PRPF18: variants seen among roughly 807,000 people sequenced by gnomAD.
The protein encoded by PRPF18 is pre-mRNA-splicing factor 18.
PRPF18 carries 38 observed loss-of-function variants against 46.5 expected under a neutral mutation model. The ratio of observed to expected loss-of-function variants is 0.82; its 90% CI spans 0.63 to 1.07. The LOEUF (loss-of-function observed/expected upper bound fraction) is 1.07, where lower values mean the gene tolerates loss of function less well. PRPF18 is among the 50% of genes least tolerant of loss of function. The probability of loss-of-function intolerance (pLI) is 0.00; values close to 1 mark genes in which losing one functional copy is unlikely to be tolerated. For synonymous variants in PRPF18, 152 were observed against 146.7 expected, an observed-to-expected ratio of 1.04 and a Z score of -0.26; for missense variants, 263 against 410.0, an observed-to-expected ratio of 0.64 and a Z score of 3.10.
At position 13,611,664 on chromosome 10, in the gene PRPF18, T is replaced by A. The variant is rs1199927188; in HGVS notation, c.560T>A (p.Ile187Asn). The A allele has an allele frequency of 6.2e-7, 1 of 1,613,854 alleles. No homozygotes were observed. The highest frequency in any genetic ancestry group is 8.5e-7 in the Non-Finnish European group (1 of 1,179,866). The change falls in exon 6 of 10, where the codon ATC becomes AAC. Residue 187 changes from isoleucine (I) to asparagine (N), a missense_variant. This residue lies in a region of PRPF18 where 155 missense variants were observed against 245.1 expected (regional missense o/e 0.63). Transcript: ENST00000378572. Reference protein sequence around the residue: ...GKGDDHKDMDIITKFLKFLLG... With the variant: ...GKGDDHKDMDNITKFLKFLLG... The stretch of plus-strand genomic sequence containing the variant: ...GGCGATGATCATAAAGACATGGACA[T>A]CATCACCAAATTCCTGAAGGTGCGT...
chr10:13,654,611 A>AG, the PRPF18 span: 1 of 726,350 alleles, frequency 1.4e-6, no homozygotes, highest in East Asian at 2.5e-5. Context: ...CAGTGGCCAG[A>AG]GGTCACCATT....
rs768844511 is a variant in PRPF18, at chr10:13,613,704, T to A, written c.580-37T>A. 11 of 1,597,700 alleles carry A rather than the reference T, an allele frequency of 6.9e-6. No homozygotes were observed. In the South Asian group the frequency reaches 1.3e-4, roughly 18 times the overall value. On this transcript the variant is annotated intron_variant, in intron 6 of 9. Coordinates refer to ENST00000378572, the MANE Select transcript of PRPF18 (RefSeq NM_003675.4). ...CATTTAGATGTACTGAACCACTGGG[T>A]GGCATTGTAGTCTAAGTTTACCCAT...
intron 4 of PRPF18, among the ~76,000 whole-genome samples, chr10:13,607,454 C>T (rs1044829005): frequency 4.6e-5 from 7 of 152,220 alleles, no homozygotes; most frequent in Admixed American, 2.0e-4. Context: ...GTCTCACTCT[C>T]ACCCAGGCTG....
rs553643811 is a variant in PRPF18, at chr10:13,587,007, T to A, written c.-80T>A. On this transcript the variant is annotated 5_prime_UTR_variant, in exon 1 of 10. Transcript: ENST00000378572. ...TGGGCTTGTTGTTCCGTATACTCAG[T>A]GGGTTCGCGGCCGCCGGCCCAGTGA... 1.4e-6 allele frequency: 2 copies of A among 1,423,234 alleles called. No individual in the cohort carries two copies. The highest frequency in any genetic ancestry group is 1.1e-5 in the South Asian group (1 of 87,180). 88.2% of individuals were successfully genotyped at this position (1,423,234 alleles called of 1,614,324 possible).
chr10:13,647,306 C>G, the PRPF18 span: 1 of 152,174 alleles, frequency 6.6e-6, no homozygotes, highest in Non-Finnish European at 1.5e-5. Flanking sequence ...GGTTCTTCAG[C>G]GTGGCTGCAT....
At chr10:13,593,105 C>A (rs1049415467) in intron 1 of PRPF18, among the ~76,000 whole-genome samples, 4 of 152,170 alleles carry the variant, frequency 2.6e-5, no homozygotes, top group Non-Finnish European at 5.9e-5. Context: ...TTATACAAAA[C>A]ATTCTGAAAT....
chr10:13,609,360 C>G (rs928061590), intron 4 of PRPF18, among the ~76,000 whole-genome samples: 3 of 152,166 alleles, frequency 2.0e-5, no homozygotes, highest in African/African-American at 7.2e-5. Context: ...AGCAAGCTTT[C>G]AAAGAGCTAT....
At chr10:13,589,247 C>T (rs1470851734) in intron 1 of PRPF18, among the ~76,000 whole-genome samples, 1 of 152,162 alleles carries the variant, frequency 6.6e-6, no homozygotes, top group Non-Finnish European at 1.5e-5. Flanking sequence ...CTGCCAAATA[C>T]CCAAGTCTGA....
At chr10:13,629,422 T>C (rs2080559880) in intron 9 of PRPF18, among the ~76,000 whole-genome samples, 1 of 152,210 alleles carries the variant, frequency 6.6e-6, no homozygotes, top group African/African-American at 2.4e-5. Flanking sequence ...AGTTATAAAG[T>C]AAGTAATAAA....
At chr10:13,607,512 A>G (rs2080207244) in intron 4 of PRPF18, among the ~76,000 whole-genome samples, 1 of 152,098 alleles carries the variant, frequency 6.6e-6, no homozygotes, top group South Asian at 2.1e-4. Flanking sequence ...TCCTGGGCTT[A>G]AGCGATCTCC....
At chr10:13,617,773 A>G (rs942605818) in intron 9 of PRPF18, among the ~76,000 whole-genome samples, 1 of 152,068 alleles carries the variant, frequency 6.6e-6, no homozygotes, top group African/African-American at 2.4e-5. Context: ...ATTCTGGTTT[A>G]TTTTGGAAGC....
chr10:13,652,818 A>C, the PRPF18 span: 4 of 152,210 alleles, frequency 2.6e-5, no homozygotes, highest in African/African-American at 7.2e-5. Flanking sequence ...GCTCACCCCC[A>C]GAGTTTTGGA....
chr10:13,606,210 C>T (rs1050658639), intron 4 of PRPF18, among the ~76,000 whole-genome samples: 5 of 152,210 alleles, frequency 3.3e-5, no homozygotes, highest in Admixed American at 2.0e-4. Flanking sequence ...TATTTCTCCT[C>T]ATCCCTTCCT....
At chr10:13,626,511 G>A (rs541541029) in intron 9 of PRPF18, among the ~76,000 whole-genome samples, 5 of 152,192 alleles carry the variant, frequency 3.3e-5, no homozygotes, top group Non-Finnish European at 5.9e-5. Flanking sequence ...TAAAAATGTG[G>A]TTTGGGGAGG....
At chr10:13,634,873 AT>A (rs201406918), downstream of PRPF18, among the ~76,000 whole-genome samples, 4 of 150,508 alleles carry the variant, frequency 2.7e-5, no homozygotes, top group East Asian at 1.9e-4. Flanking sequence ...AAAACCACTG[AT>A]TTTTTTTTTG....
chr10:13,621,203 G>T (rs531631304), intron 9 of PRPF18, among the ~76,000 whole-genome samples: 1 of 152,332 alleles, frequency 6.6e-6, no homozygotes, highest in East Asian at 1.9e-4. Context: ...ATGTCAAAGA[G>T]CTGTTGCCCT....
intron 5 of PRPF18, 70 bp downstream of exon 5, chr10:13,610,255 G>T: frequency 6.6e-7 from 1 of 1,520,340 alleles, no homozygotes; most frequent in Non-Finnish European, 8.9e-7. Flanking sequence ...TGACTGAGTC[G>T]GGCAGATTGT....
downstream of PRPF18, among the ~76,000 whole-genome samples, chr10:13,634,225 G>T (rs545399534): frequency 6.6e-6 from 1 of 152,138 alleles, no homozygotes; most frequent in Non-Finnish European, 1.5e-5. Context: ...TATACAACTT[G>T]CTTAAATGAA....
intron 9 of PRPF18, among the ~76,000 whole-genome samples, chr10:13,623,062 G>C (rs972056343): frequency 6.6e-6 from 1 of 152,018 alleles, no homozygotes; most frequent in African/African-American, 2.4e-5. Flanking sequence ...TTAGCCGGGC[G>C]TGGTGGCAGG....
Sources: gnomAD v4.1 joint callset for allele counts (sites outside exome capture counted in the v4.1 genomes callset) on GRCh38, gnomAD v4.1.1 for gene constraint, gnomAD v4.1.1 regional missense constraint, MANE v1.5 for transcripts, NCBI Gene and HGNC (gene_info 2026-07-23, HGNC 2026-07-21) for gene names.